The following AUTS2 variants were observed in gnomAD, a reference collection of about 807,000 sequenced individuals.
AUTS2 encodes autism susceptibility gene 2 protein.
Under a neutral mutation model 112.4 loss-of-function variants are expected in AUTS2, and 17 were observed. The observed-to-expected ratio is 0.15, with a 90% confidence interval of 0.10 to 0.23. AUTS2 has a LOEUF of 0.23. Ranked by LOEUF, AUTS2 falls within the 10% of genes least tolerant of loss-of-function variation. AUTS2 has a pLI of 1.00. For missense variants in AUTS2, 1,510 were observed against 1,701.6 expected (o/e 0.89, Z 1.98); for synonymous variants, 751 against 702.7 (o/e 1.07, Z -1.09).
chr7:69,792,905 T>G (rs774681794), intron 1 of AUTS2, among the ~76,000 whole-genome samples: 3 of 152,128 alleles, frequency 2.0e-5, no homozygotes, highest in Non-Finnish European at 4.4e-5. Flanking sequence ...ATACAATAAA[T>G]TCTGAGAATC....
intron 1 of AUTS2, among the ~76,000 whole-genome samples, chr7:69,702,368 G>C (rs968772072): frequency 1.3e-5 from 2 of 152,212 alleles, no homozygotes; most frequent in Non-Finnish European, 2.9e-5. Context: ...GGCAGAGGCA[G>C]GGTGAGAAGG....
chr7:69,719,567 A>G (rs1798807732), intron 1 of AUTS2, among the ~76,000 whole-genome samples: 1 of 152,224 alleles, frequency 6.6e-6, no homozygotes, highest in Non-Finnish European at 1.5e-5. Context: ...TGGTGTCAGG[A>G]AACCTGTCTT....
chr7:70,533,823 C>G (rs11972765), intron 5 of AUTS2, among the ~76,000 whole-genome samples: 25,072 of 152,136 alleles, frequency 0.16, 2,909 homozygotes, highest in African/African-American at 0.33. Flanking sequence ...GCTGTGTCCT[C>G]CTAGACCAGG....
At chr7:69,947,215 G>A (rs958504522) in intron 2 of AUTS2, among the ~76,000 whole-genome samples, 2 of 152,136 alleles carry the variant, frequency 1.3e-5, no homozygotes, top group Non-Finnish European at 2.9e-5. Flanking sequence ...ATCAAGCTGT[G>A]GGGTAGTTAT....
intron 1 of AUTS2, among the ~76,000 whole-genome samples, chr7:69,724,211 G>C (rs1325879122): frequency 2.0e-5 from 3 of 152,084 alleles, no homozygotes; most frequent in Non-Finnish European, 4.4e-5. Context: ...TTCTAACTCT[G>C]TTTCTTTGTC....
intron 1 of AUTS2, among the ~76,000 whole-genome samples, chr7:69,870,255 C>T (rs887666706): frequency 2.6e-5 from 4 of 151,184 alleles, no homozygotes; most frequent in African/African-American, 9.7e-5. Flanking sequence ...TTAGTAAGAC[C>T]GGGGGAATTT....
intron 1 of AUTS2, among the ~76,000 whole-genome samples, chr7:69,726,315 T>C (rs1270901912): frequency 6.6e-6 from 1 of 152,240 alleles, no homozygotes; most frequent in Non-Finnish European, 1.5e-5. Context: ...TCTATTGTGT[T>C]TGCCTTCTTC....
intron 1 of AUTS2, among the ~76,000 whole-genome samples, chr7:69,771,752 G>A (rs1057411073): frequency 2.6e-5 from 4 of 151,562 alleles, no homozygotes; most frequent in South Asian, 2.1e-4. Context: ...TTTTTATTTC[G>A]GTTCAGTCTC....
intron 5 of AUTS2, among the ~76,000 whole-genome samples, chr7:70,584,924 A>G (rs38326): frequency 0.13 from 20,424 of 151,642 alleles, 1,706 homozygotes; most frequent in East Asian, 0.2. Context: ...TTCTCCTTGA[A>G]CCTCTGCACC....
At chr7:70,256,573 C>T (rs549880162) in intron 4 of AUTS2, among the ~76,000 whole-genome samples, 1 of 152,318 alleles carries the variant, frequency 6.6e-6, no homozygotes, top group Admixed American at 6.5e-5. Context: ...TCTGTCAGGG[C>T]TGCCCCAGAG....
At chr7:70,621,208 G>A (rs983432704) in intron 5 of AUTS2, among the ~76,000 whole-genome samples, 1 of 152,222 alleles carries the variant, frequency 6.6e-6, no homozygotes, top group Admixed American at 6.5e-5. Context: ...GGCTTCTGCC[G>A]GGAGTGGGGG....
chr7:70,102,710 TTGAG>T (rs1804564265), intron 2 of AUTS2, among the ~76,000 whole-genome samples: 1 of 152,180 alleles, frequency 6.6e-6, no homozygotes, highest in Non-Finnish European at 1.5e-5. Context: ...CCTGTAGATT[TTGAG>T]TAAGAAATAA....
At chr7:70,166,522 C>T (rs1459196747) in intron 4 of AUTS2, among the ~76,000 whole-genome samples, 1 of 151,764 alleles carries the variant, frequency 6.6e-6, no homozygotes, top group Non-Finnish European at 1.5e-5. Flanking sequence ...GGTTTCTGTA[C>T]AATACATGAA....
chr7:69,874,509 T>A (rs535770644), intron 1 of AUTS2, among the ~76,000 whole-genome samples: 1 of 152,288 alleles, frequency 6.6e-6, no homozygotes, highest in African/African-American at 2.4e-5. Context: ...GCTGGAGACA[T>A]GGAGGCCACT....
chr7:69,663,513 C>A (rs73164772), intron 1 of AUTS2, among the ~76,000 whole-genome samples: 132 of 152,282 alleles, frequency 8.7e-4, no homozygotes, highest in Non-Finnish European at 1.6e-3. Flanking sequence ...TTCATTTCTT[C>A]AACTCTAACA....
At chr7:70,117,126 TG>T (rs371019920) in intron 2 of AUTS2, among the ~76,000 whole-genome samples, 6,968 of 110,940 alleles carry the variant, frequency 0.063, 512 homozygotes, top group Non-Finnish European at 0.074. Context: ...TGTTTTTTTT[TG>T]TTTTTTTTTG....
At chr7:70,454,219 T>C (rs1796643325) in intron 5 of AUTS2, among the ~76,000 whole-genome samples, 2 of 152,324 alleles carry the variant, frequency 1.3e-5, no homozygotes, top group Admixed American at 1.3e-4. Flanking sequence ...AAGGTAACGC[T>C]GTTTTTTAAC....
chr7:70,462,146 G>A (rs1796990768), intron 5 of AUTS2, among the ~76,000 whole-genome samples: 1 of 152,134 alleles, frequency 6.6e-6, no homozygotes, highest in African/African-American at 2.4e-5. Flanking sequence ...CAGCTACTCA[G>A]GAGGCTGAGG....
chr7:69,812,618 G>A (rs966850700), intron 1 of AUTS2, among the ~76,000 whole-genome samples: 10 of 152,126 alleles, frequency 6.6e-5, no homozygotes, highest in African/African-American at 1.4e-4. Context: ...GTTGCCATGG[G>A]CTACAACTTT....
Sources: gnomAD v4.1 joint callset for allele counts (sites outside exome capture counted in the v4.1 genomes callset) on GRCh38, gnomAD v4.1.1 for gene constraint, MANE v1.5 for transcripts, NCBI Gene and HGNC (gene_info 2026-07-23, HGNC 2026-07-21) for gene names.